Variants in HERC1 observed in about 807,000 individuals in gnomAD.
HERC1 encodes probable E3 ubiquitin-protein ligase HERC1.
HERC1 carries 160 observed loss-of-function variants against 554.3 expected under a neutral mutation model. That is an observed-to-expected ratio of 0.29 (90% CI 0.25 to 0.33). The LOEUF is 0.33. HERC1 is among the 10% of genes least tolerant of loss of function. The pLI is 1.00. For missense variants in HERC1, 4,919 were observed against 5,918.5 expected (o/e 0.83, Z 5.54); for synonymous variants, 2,175 against 2,131.7 (o/e 1.02, Z -0.56).
At chr15:63,648,350 C>T (rs897033104) in intron 54 of HERC1, among the ~76,000 whole-genome samples, 151 bp from the exon 55 acceptor site, 2 of 152,302 alleles carry the variant, frequency 1.3e-5, no homozygotes, top group East Asian at 1.9e-4. Context: ...AAAATGTAGG[C>T]GTACAGTGGG....
chr15:63,651,345 CTGGG>C lies in HERC1; in HGVS notation c.10450_10453del (p.Pro3484ValfsTer17). ...GGAAACTGGTGAGAAACTTGGATCA[CTGGG>C]TGATCCCAGGCTTTCCTCAGCATCC... On this transcript the variant is annotated frameshift_variant, in exon 53 of 78. Coordinates refer to ENST00000443617, the MANE Select transcript of HERC1 (RefSeq NM_003922.4). LOFTEE classifies it high-confidence loss of function. 6.2e-7 allele frequency: 1 copy of C among 1,613,818 alleles called. No homozygotes were observed.
chr15:63,611,112 T>A (rs189202963), intron 77 of HERC1, among the ~76,000 whole-genome samples: 1 of 152,248 alleles, frequency 6.6e-6, no homozygotes, highest in East Asian at 1.9e-4. Context: ...AAGGACTTAC[T>A]AAAGCAGAGG....
chr15:63,629,743 A>G (rs1360919074), intron 69 of HERC1, among the ~76,000 whole-genome samples: 1 of 152,214 alleles, frequency 6.6e-6, no homozygotes, highest in Non-Finnish European at 1.5e-5. Context: ...AACTGAGGCT[A>G]ATATGAATAA....
intron 2 of HERC1, among the ~76,000 whole-genome samples, chr15:63,770,901 G>C (rs140368706): frequency 1.3e-5 from 2 of 152,088 alleles, no homozygotes; most frequent in African/African-American, 2.4e-5. Flanking sequence ...AGAAACATGG[G>C]TTCTAGGCTG....
At position 63,718,764 on chromosome 15, in the gene HERC1, A is replaced by G; in HGVS notation, c.3857+19T>C. The G allele has an allele frequency of 6.2e-7, 1 of 1,606,758 alleles. No homozygotes were observed. The highest frequency in any genetic ancestry group is 8.5e-7 in the Non-Finnish European group (1 of 1,174,622). Reference sequence around the variant, plus strand: ...CATGAGAGCAAATATTTGTCTGAGGATAGTTTTAAGTTACTTGCCGGCTTT... The same window carrying G: ...CATGAGAGCAAATATTTGTCTGAGGGTAGTTTTAAGTTACTTGCCGGCTTT... On this transcript the variant is annotated intron_variant, in intron 20 of 77. Transcript: ENST00000443617. This position sits in a 1 kb window ranked among gnomAD's most constrained non-coding sequence, Gnocchi z 4.2.
chr15:63,727,524 C>A lies in HERC1; in HGVS notation c.3346+123G>T. 1.6e-6 allele frequency: 1 copy of A among 623,378 alleles called. No individual in the cohort carries two copies. The allele number at this position is 623,378 out of a possible 1,614,324, so 38.6% of individuals were successfully genotyped here. The stretch of plus-strand genomic sequence containing the variant: ...TAAATTTGAAAAGCTTTTAAGATTT[C>A]AGTGATGAAATTCCTTTGATAGCCT... On this transcript the variant is annotated intron_variant, in intron 17 of 77. Coordinates refer to ENST00000443617, the MANE Select transcript of HERC1 (RefSeq NM_003922.4). This position sits in a 1 kb window ranked among gnomAD's most constrained non-coding sequence, Gnocchi z 4.3.
Position 63,714,513 on chromosome 15 carries a change from G to A in HERC1, c.4151-848C>T, listed in dbSNP as rs139368600. 7.3e-3 allele frequency among the ~76,000 whole-genome samples: 1,101 copies of A among 149,820 alleles called. 13 individuals are homozygous for A. The highest frequency in any genetic ancestry group is 0.026 in the African/African-American group (1,049 of 40,844). On this transcript the variant is annotated intron_variant, in intron 22 of 77. Transcript: ENST00000443617. ...GAAATTTTTTGCACAAATTTGGAGC[G>A]AAGACAGTATTCTTCTTTTTTTCCT... is the stretch of plus-strand genomic sequence containing the variant.
At position 63,615,786 on chromosome 15, in the gene HERC1, A is replaced by T; in HGVS notation, c.14076T>A (p.Leu4692=). The change falls in exon 76 of 78, where the codon CTT becomes CTA. Residue 4692 remains leucine, a synonymous_variant. Coordinates refer to ENST00000443617, the MANE Select transcript of HERC1 (RefSeq NM_003922.4). ...EYVERAIEYR[L]HEMDRQVAAV... ...ATCTCACCTGTCTGTCCATCTCATG[A>T]AGTCGATATTCAATGGCCCTCTCCA... is the stretch of plus-strand genomic sequence containing the variant. 2 of 1,596,342 alleles carry T rather than the reference A, an allele frequency of 1.3e-6. No individual in the cohort carries two copies. The highest frequency in any genetic ancestry group is 2.3e-5 in the South Asian group (2 of 86,928).
chr15:63,613,404 A>G lies in HERC1; in HGVS notation c.14095-848T>C, dbSNP rs144886776. On this transcript the variant is annotated intron_variant, in intron 76 of 77. Transcript: ENST00000443617. ...AGAAAAATGTCTCCTCCAATATTAT[A>G]CAGTAGTGCATACCCTACACACAGA... is the stretch of plus-strand genomic sequence containing the variant. Among the ~76,000 whole-genome samples, 675 of 152,214 alleles carry G rather than the reference A, an allele frequency of 4.4e-3. 4 individuals are homozygous for G. Among genetic ancestry groups the G allele is most frequent in the African/African-American group, 0.015 (628 of 41,530 alleles).
intron 16 of HERC1, among the ~76,000 whole-genome samples, chr15:63,728,450 G>A (rs1183647138): frequency 6.6e-6 from 1 of 152,096 alleles, no homozygotes; most frequent in Non-Finnish European, 1.5e-5. Flanking sequence ...TAGTTGCTGT[G>A]GAACAGCCAA....
Position 63,645,519 on chromosome 15 carries a change from G to A in HERC1, c.11042C>T (p.Pro3681Leu). Residue 3681 changes from proline to leucine, a missense_variant, in exon 56 of 78, where the codon CCA (proline) becomes CTA (leucine). Pro to Leu is a moderately conservative substitution (Grantham distance 98, BLOSUM62 -3). This residue lies in a region of HERC1 where 1,963 missense variants were observed against 2,228.6 expected (regional missense o/e 0.88). Transcript: ENST00000443617. ...TAACTGCAACTTGGATCCTTTCCCT[G>A]GAAGGCGGCACCAAGCAATGCCATT... Reference protein sequence around the residue: ...IVNGIAWCRLPGKGSKLQLLM... With the variant: ...IVNGIAWCRLLGKGSKLQLLM... 1 of 1,611,666 alleles carries A rather than the reference G, an allele frequency of 6.2e-7. No homozygotes were observed. Among genetic ancestry groups the A allele is most frequent in the Non-Finnish European group, 8.5e-7 (1 of 1,179,034 alleles).
chr15:63,811,785 G>C, intron 1 of HERC1, among the ~76,000 whole-genome samples: 1 of 146,454 alleles, frequency 6.8e-6, no homozygotes. Flanking sequence ...CTCCAGCCTG[G>C]GCGACTCAGT....
intron 25 of HERC1, among the ~76,000 whole-genome samples, chr15:63,704,958 T>C (rs1337866886): frequency 1.3e-5 from 2 of 151,928 alleles, no homozygotes; most frequent in Non-Finnish European, 2.9e-5. Context: ...CAGGATGGTG[T>C]CGATCTCCTG....
chr15:63,638,570 AT>A, intron 62 of HERC1, 34 bp from the exon 63 acceptor site: 1 of 1,613,546 alleles, frequency 6.2e-7, no homozygotes, highest in East Asian at 2.2e-5. Context: ...AATTAGAGTC[AT>A]CCATTCACTC....
chr15:63,754,070 G>A (rs1411384225), intron 7 of HERC1, among the ~76,000 whole-genome samples: 1 of 151,796 alleles, frequency 6.6e-6, no homozygotes, highest in African/African-American at 2.4e-5. Flanking sequence ...GCTACTTGGG[G>A]GGCTGAGGCA....
chr15:63,816,483 C>T (rs2077498056), intron 1 of HERC1, among the ~76,000 whole-genome samples: 1 of 152,154 alleles, frequency 6.6e-6, no homozygotes, highest in Non-Finnish European at 1.5e-5. Flanking sequence ...TAACTACTGC[C>T]CTGCACAAAT....
rs1419129166 is a variant in HERC1, at chr15:63,689,575, G to A, written c.6048+14C>T. 1 of 1,445,794 alleles carries A rather than the reference G, an allele frequency of 6.9e-7. No homozygotes were observed. The highest frequency in any genetic ancestry group is 1.4e-5 in the African/African-American group (1 of 69,954). The allele number at this position is 1,445,794 out of a possible 1,614,324, so 89.6% of individuals were successfully genotyped here. ...TATGCTGTTAAGAAATACCTTTTAG[G>A]AAAAACCAATTACCTGTAGTTTTAT... On this transcript the variant is annotated intron_variant, in intron 33 of 77. Transcript: ENST00000443617.
At chr15:63,618,061 T>C (rs1405642380) in intron 74 of HERC1, among the ~76,000 whole-genome samples, 2 of 152,156 alleles carry the variant, frequency 1.3e-5, no homozygotes, top group Non-Finnish European at 2.9e-5. Flanking sequence ...TTTGGTGTTT[T>C]AGACATGAAG....
rs369961418 is a variant in HERC1 at position 63,716,460 on chromosome 15, T to C, written c.3992A>G (p.Gln1331Arg). ...CTGAGGATCAACATCTGCAGAGTCC[T>C]GGTTTTCTGATATCTTAAAGAAATT... is the stretch of plus-strand genomic sequence containing the variant. ...SSRDRWISEN[Q>R]DSADVDPQEH... Residue 1331 changes from glutamine (Q) to arginine (R), a missense_variant, in exon 22 of 78, where the codon CAG becomes CGG. Gln to Arg is a conservative substitution (Grantham distance 43, BLOSUM62 1). Around this residue, in one of 11 missense-constraint regions of HERC1, gnomAD observed 1,121 missense variants for 1,244.0 expected, o/e 0.90. Coordinates refer to ENST00000443617, the MANE Select transcript of HERC1 (RefSeq NM_003922.4). 3.7e-6 allele frequency: 6 copies of C among 1,600,704 alleles called. No individual in the cohort carries two copies. The East Asian group carries it at 1.3e-4, about 36-fold the overall frequency.
Sources: gnomAD v4.1 joint callset for allele counts (sites outside exome capture counted in the v4.1 genomes callset) on GRCh38, gnomAD v4.1.1 for gene constraint, gnomAD v4.1.1 regional missense constraint, Gnocchi (gnomAD v3.1) non-coding constraint, MANE v1.5 for transcripts, NCBI Gene and HGNC (gene_info 2026-07-23, HGNC 2026-07-21) for gene names.